Variants in SPTBN1 observed in about 807,000 individuals in gnomAD.
SPTBN1 encodes the protein spectrin beta, non-erythrocytic 1.
In SPTBN1, 32 loss-of-function variants were observed where a neutral mutation model predicts 266.4. The ratio of observed to expected loss-of-function variants is 0.12; its 90% CI spans 0.09 to 0.16. SPTBN1 has a LOEUF of 0.16. Ranked by LOEUF, SPTBN1 falls within the 10% of genes least tolerant of loss-of-function variation. The pLI is 1.00. For synonymous variants in SPTBN1, 1,336 were observed against 1,162.2 expected (o/e 1.15, Z -3.04); for missense variants, 2,296 against 3,067.1 (o/e 0.75, Z 5.94).
rs1215929783 is a variant in SPTBN1, at chr2:54,558,090, T to C, written c.148+31524T>C. On this transcript the variant is annotated intron_variant, in intron 2 of 35. Transcript: ENST00000356805. This position sits in a 1 kb window ranked among gnomAD's most constrained non-coding sequence, Gnocchi z 4.6. ...TCAAGTGATAGTAATCGGAGACTTT[T>C]CCGTTACATGAGGCTCAACAAAAGA... 9.1e-5 allele frequency: 90 copies of C among 985,292 alleles called. No individual in the cohort carries two copies. The highest frequency in any genetic ancestry group is 1.1e-4 in the Non-Finnish European group (90 of 829,916). The allele number at this position is 985,292 out of a possible 1,614,324, so 61.0% of individuals were successfully genotyped here.
intron 3 of SPTBN1, 74 bp downstream of exon 3, chr2:54,599,317 T>C: frequency 1.3e-6 from 2 of 1,553,802 alleles, no homozygotes; most frequent in African/African-American, 1.4e-5. Context: ...GTGACTTGTC[T>C]CCTGTTGAAT....
intron 1 of SPTBN1, among the ~76,000 whole-genome samples, chr2:54,493,416 G>T (rs1668796355): frequency 6.7e-6 from 1 of 150,282 alleles, no homozygotes; most frequent in Non-Finnish European, 1.5e-5. Context: ...CTTTTTTGGG[G>T]GGTTGGGGGA....
chr2:54,487,832 C>CTTTTTTTTTT (rs70944169), intron 1 of SPTBN1, among the ~76,000 whole-genome samples: 12,299 of 68,250 alleles, frequency 0.18, 3,777 homozygotes, highest in East Asian at 0.46. Flanking sequence ...CCTCCTGTGT[C>CTTTTTTTTTT]TTTTTTTTTT....
chr2:54,593,489 A>C (rs948368934), intron 2 of SPTBN1, among the ~76,000 whole-genome samples: 1 of 152,076 alleles, frequency 6.6e-6, no homozygotes, highest in African/African-American at 2.4e-5. Context: ...TTGTGTTGGT[A>C]GGTAAGTGAT....
intron 2 of SPTBN1, among the ~76,000 whole-genome samples, chr2:54,588,372 G>T (rs1037646110): frequency 2.0e-5 from 3 of 152,080 alleles, no homozygotes; most frequent in African/African-American, 7.2e-5. Context: ...CTTGTTTTGG[G>T]GAGGTGATGT....
chr2:54,667,979 T>G (rs1348951694), intron 35 of SPTBN1, among the ~76,000 whole-genome samples: 1 of 152,186 alleles, frequency 6.6e-6, no homozygotes, highest in Admixed American at 6.5e-5. Flanking sequence ...GCCAGCTGTT[T>G]AATGGGTGTG....
In SPTBN1 at chr2:54,563,495, GAGAGTTGTCTTGT is replaced by G. The variant is rs1673457482; in HGVS notation, c.149-35596_149-35584del. The stretch of plus-strand genomic sequence containing the variant: ...ATTACTACCAAGTTTATTACGTATT[GAGAGTTGTCTTGT>G]TGAATTTCTTAATTTTTTAAATTTC... On this transcript the variant is annotated intron_variant, in intron 2 of 35. Coordinates refer to ENST00000356805, the MANE Select transcript of SPTBN1 (RefSeq NM_003128.3). Among the ~76,000 whole-genome samples, 3 of 151,438 alleles carry G rather than the reference GAGAGTTGTCTTGT, an allele frequency of 2.0e-5. No homozygotes were observed. The South Asian group carries it at 6.3e-4, about 32-fold the overall frequency.
At chr2:54,484,320 C>G (rs1264583703) in intron 1 of SPTBN1, among the ~76,000 whole-genome samples, 1 of 152,216 alleles carries the variant, frequency 6.6e-6, no homozygotes, top group Admixed American at 6.5e-5. Context: ...ATTTTCCTCT[C>G]ATTCACTTCA....
chr2:54,662,057 G>A (rs943121273), intron 32 of SPTBN1: 58 of 985,256 alleles, frequency 5.9e-5, no homozygotes, highest in Non-Finnish European at 7.0e-5. Context: ...TGTTTTCTGT[G>A]CTACTAGTTG....
intron 18 of SPTBN1, among the ~76,000 whole-genome samples, chr2:54,640,139 T>A (rs1679428936): frequency 6.6e-6 from 1 of 152,320 alleles, no homozygotes; most frequent in East Asian, 1.9e-4. Context: ...TTTCCATCAT[T>A]CAGCCTTATT....
intron 1 of SPTBN1, among the ~76,000 whole-genome samples, chr2:54,495,838 A>C (rs1668941835): frequency 6.6e-6 from 1 of 152,158 alleles, no homozygotes; most frequent in African/African-American, 2.4e-5. Flanking sequence ...TTTGTTTAAA[A>C]ATTCTGGGAA....
chr2:54,652,838 C>T (rs1182509161), intron 26 of SPTBN1: 2 of 152,076 alleles, frequency 1.3e-5, no homozygotes, highest in East Asian at 1.9e-4. Context: ...TGAATGTTTT[C>T]TTCATGCCAG....
At chr2:54,513,893 G>GA (rs1669980707) in intron 1 of SPTBN1, among the ~76,000 whole-genome samples, 1 of 152,080 alleles carries the variant, frequency 6.6e-6, no homozygotes, top group African/African-American at 2.4e-5. Flanking sequence ...CTGAACATTG[G>GA]AAAAATTAAC....
In SPTBN1 at chr2:54,654,989, AAATT is replaced by A. The variant is rs1471349085; in HGVS notation, c.5823-76_5823-73del. On this transcript the variant is annotated intron_variant, in intron 27 of 35. Transcript: ENST00000356805. ...TCTTTCAAGGCCATCAGTTTCTTTC[AAATT>A]AATTGTGTGTTTTAAAACCTACACA... 24 of 1,488,166 alleles carry A rather than the reference AAATT, an allele frequency of 1.6e-5. No homozygotes were observed. The African/African-American group carries it at 3.2e-4, about 20-fold the overall frequency. 92.2% of individuals were successfully genotyped at this position (1,488,166 alleles called of 1,614,324 possible).
At chr2:54,500,789 T>G (rs1669218552) in intron 1 of SPTBN1, among the ~76,000 whole-genome samples, 1 of 152,182 alleles carries the variant, frequency 6.6e-6, no homozygotes, top group African/African-American at 2.4e-5. Flanking sequence ...CTGCCTGCCT[T>G]GGCTTCCCAA....
chr2:54,554,111 C>T lies in SPTBN1; in HGVS notation c.148+27545C>T, dbSNP rs1386313783. Among the ~76,000 whole-genome samples, 2 of 152,300 alleles carry T rather than the reference C, an allele frequency of 1.3e-5. No homozygotes were observed. The highest frequency in any genetic ancestry group is 2.4e-5 in the African/African-American group (1 of 41,556). ...CTCAAAACTAAATGTTGTAGAGGTT[C>T]GTGTAGAGGCCTGCTTGGGTTTTAG... On this transcript the variant is annotated intron_variant, in intron 2 of 35. Coordinates refer to ENST00000356805, the MANE Select transcript of SPTBN1 (RefSeq NM_003128.3). The surrounding 1 kb of genome is among the most constrained non-coding windows in gnomAD (Gnocchi z 4.5).
chr2:54,630,735 T>C (rs954269470), intron 15 of SPTBN1, 120 bp from the exon 16 acceptor site: 3 of 1,244,766 alleles, frequency 2.4e-6, no homozygotes, highest in Non-Finnish European at 3.2e-6. Flanking sequence ...AAAAAGCATG[T>C]AGTCAAAGCA....
chr2:54,569,123 A>G (rs930527953), intron 2 of SPTBN1, among the ~76,000 whole-genome samples: 5 of 152,132 alleles, frequency 3.3e-5, no homozygotes, highest in Non-Finnish European at 7.4e-5. Context: ...GGGAGAAAAA[A>G]CACCTGCTGA....
At chr2:54,655,399 C>G (rs897179976) in intron 28 of SPTBN1, among the ~76,000 whole-genome samples, 191 bp downstream of exon 28, 1 of 152,220 alleles carries the variant, frequency 6.6e-6, no homozygotes, top group African/African-American at 2.4e-5. Context: ...TGGTAAATCT[C>G]TGGCACAGAA....
Sources: allele counts gnomAD v4.1 joint callset (sites outside exome capture counted in the v4.1 genomes callset), GRCh38; gene constraint gnomAD v4.1.1; non-coding constraint Gnocchi (gnomAD v3.1); transcripts MANE v1.5; gene names NCBI Gene and HGNC (gene_info 2026-07-23, HGNC 2026-07-21).